DENND2B: variants seen among roughly 807,000 people sequenced by gnomAD.
DENND2B encodes the protein DENN domain containing 2B.
In DENND2B, 32 loss-of-function variants were observed where a neutral mutation model predicts 116.0. That is an observed-to-expected ratio of 0.28 (90% CI 0.21 to 0.37). DENND2B has a LOEUF of 0.37. DENND2B is among the 10% of genes least tolerant of loss of function. DENND2B has a pLI of 1.00. For missense variants in DENND2B, 1,276 were observed against 1,477.7 expected, an observed-to-expected ratio of 0.86 and a Z score of 2.24; for synonymous variants, 588 against 583.9, an observed-to-expected ratio of 1.01 and a Z score of -0.10.
intron 3 of DENND2B, among the ~76,000 whole-genome samples, chr11:8,839,853 C>T (rs1390988891): frequency 6.6e-6 from 1 of 152,166 alleles, no homozygotes; most frequent in African/African-American, 2.4e-5. Context: ...CTGATAACTA[C>T]AGCAGAGACA....
chr11:8,717,805 G>C lies in DENND2B; in HGVS notation c.1565C>G (p.Ser522Cys). 6.2e-7 allele frequency: 1 copy of C among 1,612,784 alleles called. No homozygotes were observed. Among genetic ancestry groups the C allele is most frequent in the Non-Finnish European group, 8.5e-7 (1 of 1,179,158 alleles). ...CCACATCCTGTGCAAAGAGTCCAAGGAGTTCTCAGACAGTTGCTGGGATTT... is the reference window on the plus strand; with the variant it reads ...CCACATCCTGTGCAAAGAGTCCAAGCAGTTCTCAGACAGTTGCTGGGATTT... ...GRKSQQLSEN[S>C]LDSLHRMWSP... The change falls in exon 5 of 20, where the codon TCC (serine) becomes TGC (cysteine). Residue 522 changes from serine to cysteine, a missense_variant. Around this residue, in one of 2 missense-constraint regions of DENND2B, gnomAD observed 856 missense variants for 846.6 expected, o/e 1.01. Transcript: ENST00000313726.
chr11:8,807,246 A>AAG (rs2060948554), intron 1 of DENND2B, among the ~76,000 whole-genome samples: 1 of 152,216 alleles, frequency 6.6e-6, no homozygotes, highest in African/African-American at 2.4e-5. Flanking sequence ...GACAGGAAGG[A>AAG]AGATGTATTC....
rs1447921728 is a variant in DENND2B at position 8,824,348 on chromosome 11, T to A, written c.-114-13013A>T. Among the ~76,000 whole-genome samples, 4 of 152,260 alleles carry A rather than the reference T, an allele frequency of 2.6e-5. No homozygotes were observed. In the Middle Eastern group the frequency reaches 0.01, roughly 388 times the overall value. The stretch of plus-strand genomic sequence containing the variant: ...GTATTTTTCCTGATCCTCTCCCTCC[T>A]CCCACCCTTCACCCTCAAGTAGGCC... On this transcript the variant is annotated intron_variant, in intron 4 of 6. Coordinates refer to the DENND2B transcript ENST00000524757.
At chr11:8,843,288 G>A (rs185899936) in intron 3 of DENND2B, among the ~76,000 whole-genome samples, 151 of 152,128 alleles carry the variant, frequency 9.9e-4, no homozygotes, top group Admixed American at 2.4e-3. Flanking sequence ...GATTACAGGC[G>A]CGAGCCACCG....
At chr11:8,742,056 A>G (rs940172264) in intron 2 of DENND2B, among the ~76,000 whole-genome samples, 1 of 152,180 alleles carries the variant, frequency 6.6e-6, no homozygotes, top group African/African-American at 2.4e-5. Flanking sequence ...ACACTGGGCT[A>G]ATTTTATTAT....
In DENND2B at chr11:8,714,712, T is replaced by A. The variant is rs563842073; in HGVS notation, c.1846-6A>T. The A allele has an allele frequency of 1.3e-4, 211 of 1,613,796 alleles. 4 individuals carry two copies. The Middle Eastern group carries it at 4.6e-3, about 35-fold the overall frequency. On this transcript the variant is annotated splice_polypyrimidine_tract_variant and splice_region_variant and intron_variant, in intron 6 of 19. Coordinates refer to ENST00000313726, the MANE Select transcript of DENND2B (RefSeq NM_213618.2). ...GAGTTAATTCTTTGGACAAGCTGGG[T>A]GAGAAAAGCAGGATGGGTGAGGTAA...
chr11:8,758,067 C>A (rs558825068), intron 1 of DENND2B, among the ~76,000 whole-genome samples: 1 of 152,256 alleles, frequency 6.6e-6, no homozygotes, highest in South Asian at 2.1e-4. Flanking sequence ...GAGTCCCAGG[C>A]CCCACCTACT....
chr11:8,880,664 C>CTGA (rs926259903), intron 2 of DENND2B, among the ~76,000 whole-genome samples: 2 of 152,210 alleles, frequency 1.3e-5, no homozygotes, highest in Non-Finnish European at 2.9e-5. Flanking sequence ...GCTATGGTCA[C>CTGA]GCATGTTATC....
intron 1 of DENND2B, among the ~76,000 whole-genome samples, chr11:8,803,286 G>A (rs2060513751): frequency 6.6e-6 from 1 of 152,228 alleles, no homozygotes; most frequent in Non-Finnish European, 1.5e-5. Context: ...TGGGGAGGCT[G>A]AGGCAGGAGA....
chr11:8,710,753 GCACACACACACA>G (rs56230708), intron 11 of DENND2B, 80 bp downstream of exon 11: 938 of 831,160 alleles, frequency 1.1e-3, no homozygotes, highest in African/African-American at 7.7e-3. Context: ...TTGCAGAAGG[GCACACACACACA>G]CACACACACA....
At chr11:8,854,443 C>G (rs539901746) in intron 3 of DENND2B, among the ~76,000 whole-genome samples, 1 of 152,216 alleles carries the variant, frequency 6.6e-6, no homozygotes, top group South Asian at 2.1e-4. Flanking sequence ...CTCAAGTGAT[C>G]CACCTGCGTC....
intron 3 of DENND2B, among the ~76,000 whole-genome samples, chr11:8,854,138 A>T (rs1227830855): frequency 6.9e-6 from 1 of 144,604 alleles, no homozygotes; most frequent in Non-Finnish European, 1.5e-5. Flanking sequence ...AAGTGCTGGG[A>T]TTACAGGTGT....
chr11:8,843,693 G>A (rs146248162), intron 3 of DENND2B, among the ~76,000 whole-genome samples: 215 of 152,002 alleles, frequency 1.4e-3, no homozygotes, highest in African/African-American at 4.8e-3. Context: ...CAAATAATAC[G>A]CTGTCTGGCT....
chr11:8,711,964 G>A (rs1186041046), intron 9 of DENND2B: 3 of 455,910 alleles, frequency 6.6e-6, no homozygotes, highest in African/African-American at 2.0e-5. Context: ...TCCTGAAAGA[G>A]GTCCTACTTG....
In DENND2B at chr11:8,749,269, T is replaced by C. The variant is rs78220813; in HGVS notation, c.80+1352A>G. Among the ~76,000 whole-genome samples, 593 of 152,324 alleles carry C rather than the reference T, an allele frequency of 3.9e-3. 4 individuals are homozygous for C. Among genetic ancestry groups the C allele is most frequent in the Non-Finnish European group, 6.9e-3 (469 of 68,026 alleles). On this transcript the variant is annotated intron_variant, in intron 2 of 19. Coordinates refer to ENST00000313726, the MANE Select transcript of DENND2B (RefSeq NM_213618.2). ...TCTGGAGGAGGTCAGTTTCTCCACC[T>C]GCTTTGCCCAAGAAGCTGTTCCTTG...
intron 18 of DENND2B, chr11:8,695,832 G>A: frequency 2.1e-6 from 1 of 481,680 alleles, no homozygotes; most frequent in East Asian, 3.8e-5. Context: ...GCCCCAAGTG[G>A]ACATCTCTAG....
At chr11:8,696,200 A>T (rs1393971142) in intron 18 of DENND2B, among the ~76,000 whole-genome samples, 1 of 152,148 alleles carries the variant, frequency 6.6e-6, no homozygotes, top group Non-Finnish European at 1.5e-5. Context: ...TCCTAGGTGG[A>T]GATGAGTCCT....
intron 1 of DENND2B, among the ~76,000 whole-genome samples, chr11:8,797,739 C>G (rs1015807944): frequency 6.6e-6 from 1 of 152,080 alleles, no homozygotes; most frequent in African/African-American, 2.4e-5. Context: ...CATGAGCCAC[C>G]ATGCCCAGCA....
intron 3 of DENND2B, among the ~76,000 whole-genome samples, chr11:8,843,758 C>G (rs76179828): frequency 0.024 from 3,583 of 152,286 alleles, 147 homozygotes; most frequent in African/African-American, 0.081. Context: ...CAAGGTTGAT[C>G]CTGATATTCT....
Sources: gnomAD v4.1 joint callset for allele counts (sites outside exome capture counted in the v4.1 genomes callset) on GRCh38, gnomAD v4.1.1 for gene constraint, gnomAD v4.1.1 regional missense constraint, MANE v1.5 for transcripts, NCBI Gene and HGNC (gene_info 2026-07-23, HGNC 2026-07-21) for gene names.